The following COA1 variants were observed in gnomAD, a reference collection of about 807,000 sequenced individuals.
The protein encoded by COA1 is cytochrome c oxidase assembly factor 1.
A neutral mutation model predicts 16.0 loss-of-function variants in COA1; 13 were observed. That is an observed-to-expected ratio of 0.81 (90% confidence interval 0.53 to 1.29). The LOEUF is 1.29. COA1 is among the 50% of genes most tolerant of loss of function. The pLI is 0.00. For synonymous variants in COA1, 65 were observed against 65.7 expected, an observed-to-expected ratio of 0.99 and a Z score of 0.05; for missense variants, 179 against 177.0, an observed-to-expected ratio of 1.01 and a Z score of -0.06.
chr7:43,630,446 C>G (rs1266292359), intron 6 of COA1, among the ~76,000 whole-genome samples: 1 of 152,136 alleles, frequency 6.6e-6, no homozygotes, highest in East Asian at 1.9e-4. Context: ...TTAGTTATCT[C>G]AAGTAACCAG....
At chr7:43,682,440 T>C (rs1434492518) in intron 1 of COA1, among the ~76,000 whole-genome samples, 3 of 152,210 alleles carry the variant, frequency 2.0e-5, no homozygotes, top group Admixed American at 2.0e-4. Flanking sequence ...GAAGTTGATA[T>C]TGATCTCTGT....
intron 6 of COA1, among the ~76,000 whole-genome samples, chr7:43,615,743 G>T (rs1416641091): frequency 6.6e-6 from 1 of 152,156 alleles, no homozygotes; most frequent in Non-Finnish European, 1.5e-5. Flanking sequence ...CAGCCACACA[G>T]GATTTCCTGC....
At chr7:43,729,345 G>A (rs2095693778) in intron 1 of COA1, 84 bp downstream of exon 1, 1 of 152,358 alleles carries the variant, frequency 6.6e-6, no homozygotes, top group Non-Finnish European at 1.5e-5. Flanking sequence ...CGCACCCCGC[G>A]CGCAAAGGCG....
intron 1 of COA1, chr7:43,649,081 T>C (rs1227010633): frequency 1.9e-5 from 3 of 157,964 alleles, no homozygotes; most frequent in Admixed American, 6.2e-5. Context: ...AGTAAACTTA[T>C]ACATGGACTT....
intron 1 of COA1, among the ~76,000 whole-genome samples, chr7:43,663,424 C>T (rs190513181): frequency 3.9e-4 from 60 of 152,244 alleles, no homozygotes; most frequent in African/African-American, 1.4e-3. Context: ...TGTGACAATA[C>T]CACTCTGCCT....
chr7:43,631,394 T>G (rs2085159177), intron 6 of COA1: 1 of 152,222 alleles, frequency 6.6e-6, no homozygotes, highest in Non-Finnish European at 1.5e-5. Flanking sequence ...CCTGGCTAAT[T>G]TTTGTATTTT....
At chr7:43,640,513 G>T in intron 5 of COA1, 60 bp downstream of exon 5, 1 of 1,133,530 alleles carries the variant, frequency 8.8e-7, no homozygotes, top group Non-Finnish European at 1.3e-6. Context: ...CGGAGTTGGG[G>T]TTGCTTTCAT....
chr7:43,664,103 A>AGAGAGAGAGAGAGAGAGAGAG (rs2092695982), intron 1 of COA1, among the ~76,000 whole-genome samples: 2 of 135,144 alleles, frequency 1.5e-5, no homozygotes, highest in African/African-American at 3.0e-5. Context: ...TGTCTTTAGA[A>AGAGAGAGAGAGAGAGAGAGAG]AGAGAGAGAG....
chr7:43,660,715 G>T (rs10266433), intron 1 of COA1, among the ~76,000 whole-genome samples: 22,344 of 151,878 alleles, frequency 0.15, 2,192 homozygotes, highest in Non-Finnish European at 0.21. Flanking sequence ...AAATATCTTT[G>T]GATATTTTCC....
chr7:43,675,462 AG>A (rs2093471533), intron 1 of COA1, among the ~76,000 whole-genome samples: 1 of 143,440 alleles, frequency 7.0e-6, no homozygotes, highest in African/African-American at 2.6e-5. Context: ...GGGTGGGGGC[AG>A]GGGGGAGGGA....
intron 1 of COA1, among the ~76,000 whole-genome samples, chr7:43,719,698 T>C (rs2095468002): frequency 6.6e-6 from 1 of 152,226 alleles, no homozygotes. Flanking sequence ...GCTTCCTGAC[T>C]ACTATGAAAA....
chr7:43,713,022 C>T (rs1328651573), intron 1 of COA1, among the ~76,000 whole-genome samples: 1 of 152,196 alleles, frequency 6.6e-6, no homozygotes, highest in Non-Finnish European at 1.5e-5. Context: ...GGCGTGATCT[C>T]AGCTCACTGC....
At chr7:43,725,067 C>T (rs1461257336) in intron 1 of COA1, among the ~76,000 whole-genome samples, 2 of 152,154 alleles carry the variant, frequency 1.3e-5, no homozygotes, top group African/African-American at 4.8e-5. Flanking sequence ...GGAGAAACCC[C>T]GTCTGTACTA....
At chr7:43,616,107 A>C (rs1463168893) in intron 6 of COA1, among the ~76,000 whole-genome samples, 3 of 152,138 alleles carry the variant, frequency 2.0e-5, no homozygotes, top group African/African-American at 7.2e-5. Flanking sequence ...GCAATCAATA[A>C]ATATTTGTTG....
intron 3 of COA1, chr7:43,646,953 TG>T (rs2089495443): frequency 5.4e-6 from 1 of 186,808 alleles, no homozygotes; most frequent in African/African-American, 2.3e-5. Context: ...AGCATTAAAA[TG>T]ACCTTAAATG....
chr7:43,711,217 G>C (rs1211557965), intron 1 of COA1, among the ~76,000 whole-genome samples: 1 of 152,046 alleles, frequency 6.6e-6, no homozygotes. Flanking sequence ...ACACCTGGGT[G>C]TAACTAATCA....
At chr7:43,712,131 G>A (rs1305950233) in intron 1 of COA1, among the ~76,000 whole-genome samples, 1 of 143,758 alleles carries the variant, frequency 7.0e-6, no homozygotes, top group African/African-American at 2.6e-5. Context: ...TTTTTTTTTT[G>A]AGACAGAGTC....
At chr7:43,661,609 C>G (rs1337379487) in intron 1 of COA1, among the ~76,000 whole-genome samples, 2 of 148,910 alleles carry the variant, frequency 1.3e-5, no homozygotes, top group Non-Finnish European at 3.0e-5. Context: ...CGCACTCCAG[C>G]CTGGGCGATA....
At chr7:43,727,519 T>G (rs1201180678) in intron 1 of COA1, among the ~76,000 whole-genome samples, 10 of 152,130 alleles carry the variant, frequency 6.6e-5, no homozygotes, top group Middle Eastern at 3.4e-3. Context: ...CCATAAAAGA[T>G]TAACCAGCAA....
Sources: gnomAD v4.1 joint callset for allele counts (sites outside exome capture counted in the v4.1 genomes callset) on GRCh38, gnomAD v4.1.1 for gene constraint, MANE v1.5 for transcripts, NCBI Gene and HGNC (gene_info 2026-07-23, HGNC 2026-07-21) for gene names.